Variants in RFX8 observed in about 807,000 individuals in gnomAD.
RFX8 encodes the protein regulatory factor X8.
Under a neutral mutation model 54.6 loss-of-function variants are expected in RFX8, and 46 were observed. The ratio of observed to expected loss-of-function variants is 0.84; its 90% CI spans 0.67 to 1.08. The LOEUF is 1.08. Among genes scored for constraint, RFX8 ranks in the 50% least tolerant of loss-of-function variants. RFX8 has a pLI of 0.00. For missense variants in RFX8, 536 were observed against 562.3 expected, an observed-to-expected ratio of 0.95 and a Z score of 0.47; for synonymous variants, 192 against 209.5, an observed-to-expected ratio of 0.92 and a Z score of 0.72.
rs140272381 is a variant in RFX8, at chr2:101,426,927, C to T, written c.73-4455G>A. On this transcript the variant is annotated intron_variant, in intron 2 of 11. Coordinates refer to ENST00000428343, the MANE Select transcript of RFX8 (RefSeq NM_001145664.2). The stretch of plus-strand genomic sequence containing the variant: ...TCCTTCTGAAGATGCCTTGATGGTG[C>T]CCCACGGTCTCCTGGGTCAAATCCA... 2.5e-3 allele frequency among the ~76,000 whole-genome samples: 379 copies of T among 152,280 alleles called. 2 individuals carry two copies. The highest frequency in any genetic ancestry group is 8.8e-3 in the African/African-American group (365 of 41,540).
intron 2 of RFX8, among the ~76,000 whole-genome samples, chr2:101,443,378 T>G (rs181368178): frequency 3.0e-4 from 45 of 152,328 alleles, no homozygotes; most frequent in Non-Finnish European, 5.4e-4. Context: ...ACTGATCATA[T>G]TTTGAAGTAT....
In RFX8 at chr2:101,402,665, T is replaced by C; in HGVS notation, c.1016A>G (p.Asp339Gly). Residue 339 changes from aspartate to glycine, a missense_variant, in exon 11 of 12, where the codon GAC becomes GGC. Coordinates refer to ENST00000428343, the MANE Select transcript of RFX8 (RefSeq NM_001145664.2). Reference sequence around the variant, plus strand: ...TAGCATTTCCTTGACAGTCCCCATGTCCTCCTCCTCCTCTTCCTCCTCTAG... The same window carrying C: ...TAGCATTTCCTTGACAGTCCCCATGCCCTCCTCCTCCTCTTCCTCCTCTAG... ...SCLEEEEEEE[D>G]MGTVKEMLPD... 6.4e-7 allele frequency: 1 copy of C among 1,553,938 alleles called. No homozygotes were observed.
At chr2:101,464,840 C>T (rs1050750343) in intron 2 of RFX8, among the ~76,000 whole-genome samples, 6 of 151,382 alleles carry the variant, frequency 4.0e-5, no homozygotes, top group Non-Finnish European at 8.8e-5. Flanking sequence ...TTTAAAAGTT[C>T]GTGGAAAAGA....
At chr2:101,442,112 C>T (rs1175700874) in intron 2 of RFX8, among the ~76,000 whole-genome samples, 4 of 152,184 alleles carry the variant, frequency 2.6e-5, no homozygotes, top group African/African-American at 4.8e-5. Flanking sequence ...AATAGACACA[C>T]GTGACTTACC....
rs1292871297 is a variant in RFX8, at chr2:101,418,947, A to G, written c.255T>C (p.Thr85=). Reference sequence around the variant, plus strand: ...CTTGCTGCAGAGACTTCCAGAAGGAAGTAAGCAAGTCCTCCACCTGGGGTA... The same window carrying G: ...CTTGCTGCAGAGACTTCCAGAAGGAGGTAAGCAAGTCCTCCACCTGGGGTA... ...DILRNVEDLL[T]SFWKSLQQDT... is the part of the protein sequence containing the mutation. The change falls in exon 5 of 12, where the codon ACT becomes ACC. Residue 85 remains threonine (T), a synonymous_variant. Coordinates refer to ENST00000428343, the MANE Select transcript of RFX8 (RefSeq NM_001145664.2). 1 of 1,548,774 alleles carries G rather than the reference A, an allele frequency of 6.5e-7. No homozygotes were observed. The highest frequency in any genetic ancestry group is 8.7e-7 in the Non-Finnish European group (1 of 1,144,722).
rs186385781 is a variant in RFX8 at position 101,453,187 on chromosome 2, G to A, written c.72+13590C>T. Among the ~76,000 whole-genome samples, 157 of 147,748 alleles carry A rather than the reference G, an allele frequency of 1.1e-3. 2 individuals carry two copies. Among genetic ancestry groups the A allele is most frequent in the African/African-American group, 3.6e-3 (143 of 39,430 alleles). On this transcript the variant is annotated intron_variant, in intron 2 of 11. Coordinates refer to ENST00000428343, the MANE Select transcript of RFX8 (RefSeq NM_001145664.2). ...AGCTACTCTGGAGGCTGAGGCAGGA[G>A]AATCACTGGAACCAAGGAGGTGGAG...
chr2:101,423,407 C>T (rs2104588816), intron 2 of RFX8, among the ~76,000 whole-genome samples: 1 of 152,280 alleles, frequency 6.6e-6, no homozygotes, highest in African/African-American at 2.4e-5. Flanking sequence ...AGGGCTCCTC[C>T]TGGTCTGAAT....
rs373106596 is a variant in RFX8, at chr2:101,446,558, T to A, written c.72+20219A>T. 3.1e-4 allele frequency among the ~76,000 whole-genome samples: 47 copies of A among 152,238 alleles called. 1 individual carries two copies. Among genetic ancestry groups the A allele is most frequent in the African/African-American group, 1.0e-3 (43 of 41,552 alleles). ...GGCCTTATCTCATGACCAGCCGATG[T>A]CACTCTTGCCTTTATCTTTGTCCTC... On this transcript the variant is annotated intron_variant, in intron 2 of 11. Transcript: ENST00000428343.
intron 2 of RFX8, among the ~76,000 whole-genome samples, chr2:101,461,279 A>AAAAAG (rs1553459153): frequency 1.2e-4 from 15 of 124,820 alleles, no homozygotes; most frequent in East Asian, 6.6e-4. Flanking sequence ...AAAAAAAAAA[A>AAAAAG]AAAGAAAGAA....
intron 2 of RFX8, among the ~76,000 whole-genome samples, chr2:101,455,555 G>C (rs993716035): frequency 2.0e-5 from 3 of 152,180 alleles, no homozygotes; most frequent in Non-Finnish European, 4.4e-5. Flanking sequence ...TGAGGCCTCT[G>C]TTCTGGTCCA....
intron 2 of RFX8, among the ~76,000 whole-genome samples, chr2:101,442,291 A>G (rs1688141363): frequency 1.3e-5 from 2 of 152,306 alleles, no homozygotes; most frequent in South Asian, 4.1e-4. Flanking sequence ...GATGCAAAGG[A>G]CAGTGTATTG....
intron 11 of RFX8, among the ~76,000 whole-genome samples, chr2:101,401,027 C>T (rs111727217): frequency 6.6e-6 from 1 of 152,160 alleles, no homozygotes; most frequent in Non-Finnish European, 1.5e-5. Context: ...TCATCAGCAC[C>T]CCCAAGTTGG....
At chr2:101,457,121 G>T (rs529777464) in intron 2 of RFX8, among the ~76,000 whole-genome samples, 1 of 152,042 alleles carries the variant, frequency 6.6e-6, no homozygotes, top group East Asian at 1.9e-4. Context: ...TCTTGCTAGC[G>T]GTCTATCAAT....
chr2:101,411,707 GA>G (rs1022184065), intron 8 of RFX8, among the ~76,000 whole-genome samples: 3 of 151,834 alleles, frequency 2.0e-5, no homozygotes, highest in Admixed American at 6.6e-5. Flanking sequence ...GGATTGGTGG[GA>G]AAAAAAAGTG....
chr2:101,463,706 C>T (rs1015088218), intron 2 of RFX8, among the ~76,000 whole-genome samples: 2 of 152,130 alleles, frequency 1.3e-5, no homozygotes, highest in Admixed American at 1.3e-4. Flanking sequence ...GGTCCGCCTG[C>T]CCCCAGAGCC....
Position 101,466,875 on chromosome 2 carries a change from C to A in RFX8, c.-27G>T, listed in dbSNP as rs1053852913. 1.4e-5 allele frequency: 22 copies of A among 1,533,154 alleles called. No individual in the cohort carries two copies. Among genetic ancestry groups the A allele is most frequent in the Non-Finnish European group, 1.9e-5 (22 of 1,130,276 alleles). 95.0% of individuals were successfully genotyped at this position (1,533,154 alleles called of 1,614,324 possible). A position where few individuals can be genotyped will look rare whatever the true frequency, so the allele number is the denominator to read the frequency against. On this transcript the variant is annotated 5_prime_UTR_variant, in exon 2 of 12. Coordinates refer to ENST00000428343, the MANE Select transcript of RFX8 (RefSeq NM_001145664.2). The stretch of plus-strand genomic sequence containing the variant: ...AGACAGCGAGGGACGCTGCACTCTT[C>A]GCAAATGCAGAAGTTGTCGACCAAC...
At chr2:101,452,094 T>A (rs1688715947) in intron 2 of RFX8, among the ~76,000 whole-genome samples, 1 of 152,160 alleles carries the variant, frequency 6.6e-6, no homozygotes, top group Non-Finnish European at 1.5e-5. Flanking sequence ...ATTTGATGTG[T>A]GTTAATTATT....
rs11898816 is a variant in RFX8 at position 101,463,113 on chromosome 2, C to T, written c.72+3664G>A. 3.8e-3 allele frequency among the ~76,000 whole-genome samples: 585 copies of T among 152,310 alleles called. 10 individuals carry two copies. The highest frequency in any genetic ancestry group is 0.013 in the African/African-American group (524 of 41,560). ...TCTTTCAATCCATCTAGCCTTGCAG[C>T]CTCTGTATGACAGGATGAGGCAAAA... On this transcript the variant is annotated intron_variant, in intron 2 of 11. Transcript: ENST00000428343.
At chr2:101,433,129 A>C (rs1687584607) in intron 2 of RFX8, among the ~76,000 whole-genome samples, 1 of 152,222 alleles carries the variant, frequency 6.6e-6, no homozygotes, top group African/African-American at 2.4e-5. Flanking sequence ...CTCCTTGTTC[A>C]GCTCTGCAGC....
Sources: allele counts gnomAD v4.1 joint callset (sites outside exome capture counted in the v4.1 genomes callset), GRCh38; gene constraint gnomAD v4.1.1; transcripts MANE v1.5; gene names NCBI Gene and HGNC (gene_info 2026-07-23, HGNC 2026-07-21).